ADAMTSL3: variants seen among roughly 807,000 people sequenced by gnomAD.
The protein encoded by ADAMTSL3 is ADAMTS-like protein 3.
ADAMTSL3 carries 128 observed loss-of-function variants against 201.7 expected under a neutral mutation model. The ratio of observed to expected loss-of-function variants is 0.63; its 90% CI spans 0.55 to 0.73. The LOEUF (loss-of-function observed/expected upper bound fraction) is 0.73, where lower values mean the gene tolerates loss of function less well. Ranked by LOEUF, ADAMTSL3 falls within the 30% of genes least tolerant of loss-of-function variation. The probability of loss-of-function intolerance (pLI) is 0.00; values close to 1 mark genes in which losing one functional copy is unlikely to be tolerated. For synonymous variants in ADAMTSL3, 738 were observed against 748.4 expected, an observed-to-expected ratio of 0.99 and a Z score of 0.23; for missense variants, 1,990 against 2,119.6, an observed-to-expected ratio of 0.94 and a Z score of 1.20.
At chr15:83,929,924 C>T (rs1046512443) in intron 17 of ADAMTSL3, among the ~76,000 whole-genome samples, 1 of 152,108 alleles carries the variant, frequency 6.6e-6, no homozygotes, top group Admixed American at 6.6e-5. Flanking sequence ...CTCTTAGAGA[C>T]CTTCGCTACT....
At chr15:83,704,544 G>T (rs576006310) in intron 3 of ADAMTSL3, 36 bp downstream of exon 3, 1 of 1,595,850 alleles carries the variant, frequency 6.3e-7, no homozygotes, top group South Asian at 1.1e-5. Flanking sequence ...CTTTGGCTTT[G>T]CTGTTTGCCA....
intron 4 of ADAMTSL3, among the ~76,000 whole-genome samples, chr15:83,786,637 G>A (rs1224255223): frequency 1.3e-5 from 2 of 151,346 alleles, no homozygotes; most frequent in Non-Finnish European, 2.9e-5. Context: ...TCTTTCCTTC[G>A]CTTCAAACCT....
At chr15:83,738,382 A>G (rs1322857141) in intron 3 of ADAMTSL3, among the ~76,000 whole-genome samples, 1 of 152,166 alleles carries the variant, frequency 6.6e-6, no homozygotes. Context: ...GCAATTTAGC[A>G]TCTATATGTA....
chr15:83,847,364 C>T (rs1358321068), intron 7 of ADAMTSL3, among the ~76,000 whole-genome samples: 1 of 152,174 alleles, frequency 6.6e-6, no homozygotes, highest in African/African-American at 2.4e-5. Flanking sequence ...TACCCATTGA[C>T]TTTTCCTTTT....
chr15:83,751,623 G>A (rs891400075), intron 3 of ADAMTSL3, among the ~76,000 whole-genome samples: 10 of 152,158 alleles, frequency 6.6e-5, no homozygotes, highest in African/African-American at 2.4e-4. Flanking sequence ...GATGTATATG[G>A]TATGGAGATG....
At chr15:83,715,644 C>T (rs1295941096) in intron 3 of ADAMTSL3, among the ~76,000 whole-genome samples, 2 of 152,184 alleles carry the variant, frequency 1.3e-5, no homozygotes, top group Non-Finnish European at 2.9e-5. Flanking sequence ...AGTAAATGCA[C>T]AACGAGCATA....
Position 83,982,467 on chromosome 15 carries a change from G to T in ADAMTSL3, c.2839G>T (p.Glu947Ter). ...RRFQKSLIQW[E>*]KDGRCLQNSK... ...ATTCCAGAAATCTCTGATCCAGTGG[G>T]AGAAGGATGGCCGTTGCCTGCAGAA... is the stretch of plus-strand genomic sequence containing the variant. The change falls in exon 21 of 30, where the codon GAG becomes TAG. Residue 947 changes from glutamate to a stop codon, truncating the protein, a stop_gained. Transcript: ENST00000286744. LOFTEE classifies it high-confidence loss of function. 1 of 1,614,174 alleles carries T rather than the reference G, an allele frequency of 6.2e-7. No individual in the cohort carries two copies. The highest frequency in any genetic ancestry group is 1.1e-5 in the South Asian group (1 of 91,086).
chr15:83,824,970 T>C (rs1281550919), intron 6 of ADAMTSL3: 2 of 152,262 alleles, frequency 1.3e-5, no homozygotes, highest in African/African-American at 4.8e-5. Context: ...ATACCAATTT[T>C]AGAATATGTG....
Position 83,691,425 on chromosome 15 carries a change from A to C in ADAMTSL3, c.70-12964A>C, listed in dbSNP as rs142027483. Among the ~76,000 whole-genome samples the C allele has an allele frequency of 3.5e-3, 540 of 152,262 alleles. 4 individuals are homozygous for C. The highest frequency in any genetic ancestry group is 5.7e-3 in the Non-Finnish European group (390 of 68,020). On this transcript the variant is annotated intron_variant, in intron 2 of 29. Transcript: ENST00000286744. ...GAGCCATATGGTCACTTTCTTGCAG[A>C]GGTGGGTTGGGCGCTTGGGCTCCCA...
chr15:83,869,599 C>T (rs886985357), intron 8 of ADAMTSL3, among the ~76,000 whole-genome samples: 1 of 152,144 alleles, frequency 6.6e-6, no homozygotes. Flanking sequence ...TGCAGCTGCT[C>T]CAGTGACAGA....
Position 83,859,640 on chromosome 15 carries a change from T to C in ADAMTSL3, c.802+800T>C, listed in dbSNP as rs566316902. Among the ~76,000 whole-genome samples the C allele has an allele frequency of 9.8e-5, 15 of 152,354 alleles. No individual in the cohort carries two copies. In the South Asian group the frequency reaches 3.1e-3, roughly 32 times the overall value. ...AGGCTAGCTAGATGCCTGGAATTTC[T>C]CTTGAAGGAATTCAAGATTTTCCCT... On this transcript the variant is annotated intron_variant, in intron 8 of 29. Transcript: ENST00000286744.
At chr15:83,762,621 T>C (rs746806751) in intron 3 of ADAMTSL3, among the ~76,000 whole-genome samples, 19 of 152,044 alleles carry the variant, frequency 1.2e-4, no homozygotes, top group South Asian at 2.1e-4. Flanking sequence ...TCTCTCAAGC[T>C]CCTTATAAGG....
chr15:83,972,997 G>A (rs116063422), intron 20 of ADAMTSL3, among the ~76,000 whole-genome samples: 1 of 151,966 alleles, frequency 6.6e-6, no homozygotes, highest in Non-Finnish European at 1.5e-5. Context: ...ACCTTCAAAG[G>A]CACCATGTGC....
intron 19 of ADAMTSL3, among the ~76,000 whole-genome samples, chr15:83,945,193 A>G (rs2066632149): frequency 6.6e-6 from 1 of 151,972 alleles, no homozygotes; most frequent in Non-Finnish European, 1.5e-5. Context: ...CACTTCCTCT[A>G]TCCAACTCAC....
rs765994439 is a variant in ADAMTSL3 at position 83,907,097 on chromosome 15, GAA to G, written c.1701-5977_1701-5976del. ...TGACAGAGCAAGACCCTGTCTCTGG[GAA>G]AAAAAAAAAAAAAAAAAGAGAGAGT... On this transcript the variant is annotated intron_variant, in intron 15 of 29. Coordinates refer to ENST00000286744, the MANE Select transcript of ADAMTSL3 (RefSeq NM_207517.3). Among the ~76,000 whole-genome samples the G allele has an allele frequency of 2.1e-3, 158 of 74,246 alleles. 2 individuals carry two copies. In the East Asian group the frequency reaches 0.023, roughly 11 times the overall value. The allele number at this position is 74,246 out of a possible 152,430, so 48.7% of individuals were successfully genotyped here.
intron 9 of ADAMTSL3, among the ~76,000 whole-genome samples, chr15:83,875,509 G>A (rs1228965996): frequency 6.6e-6 from 1 of 152,230 alleles, no homozygotes; most frequent in Non-Finnish European, 1.5e-5. Context: ...CAATCAGGAT[G>A]TGCGGTGGCT....
At chr15:83,934,067 G>A (rs1044808429) in intron 17 of ADAMTSL3, among the ~76,000 whole-genome samples, 4 of 152,190 alleles carry the variant, frequency 2.6e-5, no homozygotes, top group Non-Finnish European at 5.9e-5. Context: ...GTGGAGCTGT[G>A]AGAAGAGGGC....
Position 83,885,083 on chromosome 15 carries a change from A to G in ADAMTSL3, c.961-18A>G, listed in dbSNP as rs2065359604. On this transcript the variant is annotated intron_variant, in intron 9 of 29. Transcript: ENST00000286744. ...GCTCCTTGTTTGCACGTGTGTTCTC[A>G]CAGTTCTCTTTGTCCAGACCAGGTA... 6.3e-7 allele frequency: 1 copy of G among 1,576,364 alleles called. No homozygotes were observed. The highest frequency in any genetic ancestry group is 8.7e-7 in the Non-Finnish European group (1 of 1,147,748).
chr15:83,875,935 C>T (rs1010090080), intron 9 of ADAMTSL3, among the ~76,000 whole-genome samples: 1 of 152,164 alleles, frequency 6.6e-6, no homozygotes, highest in African/African-American at 2.4e-5. Flanking sequence ...GTCTACTACA[C>T]TAAGGATTTC....
Sources: gnomAD v4.1 joint callset for allele counts (sites outside exome capture counted in the v4.1 genomes callset) on GRCh38, gnomAD v4.1.1 for gene constraint, MANE v1.5 for transcripts, NCBI Gene and HGNC (gene_info 2026-07-23, HGNC 2026-07-21) for gene names.